The following C5orf46 variants were observed in gnomAD, a reference collection of about 807,000 sequenced individuals.
C5orf46 encodes uncharacterized protein C5orf46.
In C5orf46, 9 loss-of-function variants were observed where a neutral mutation model predicts 8.9. That is an observed-to-expected ratio of 1.01 (90% CI 0.61 to 1.76). The LOEUF is 1.76. Ranked by LOEUF, C5orf46 falls within the 40% of genes most tolerant of loss-of-function variation. The probability of loss-of-function intolerance (pLI) is 0.00; values close to 1 mark genes in which losing one functional copy is unlikely to be tolerated. For synonymous variants in C5orf46, 47 were observed against 41.4 expected, an observed-to-expected ratio of 1.14 and a Z score of -0.52; for missense variants, 98 against 107.8, an observed-to-expected ratio of 0.91 and a Z score of 0.40.
At chr5:147,900,966 G>T (rs1757658884) in intron 2 of C5orf46, among the ~76,000 whole-genome samples, 1 of 152,192 alleles carries the variant, frequency 6.6e-6, no homozygotes, top group African/African-American at 2.4e-5. Flanking sequence ...TTGGAAGCAG[G>T]CTGAGAACAT....
rs1284307334 is a variant in C5orf46 at position 147,906,513 on chromosome 5, G to A, written c.-12C>T. 4 of 1,600,864 alleles carry A rather than the reference G, an allele frequency of 2.5e-6. No homozygotes were observed. Among genetic ancestry groups the A allele is most frequent in the East Asian group, 2.2e-5 (1 of 44,728 alleles). On this transcript the variant is annotated 5_prime_UTR_variant, in exon 1 of 4. Transcript: ENST00000318315. ...ACTGAGACAGCCATTCTGGTAGCAC[G>A]GGGTATTCGTGCAGATAAATTGTTC...
At chr5:147,904,347 T>A (rs548948513) in intron 1 of C5orf46, among the ~76,000 whole-genome samples, 2 of 152,202 alleles carry the variant, frequency 1.3e-5, no homozygotes, top group Non-Finnish European at 2.9e-5. Flanking sequence ...AAATCACTCA[T>A]CTAGAAAGTG....
downstream of C5orf46, among the ~76,000 whole-genome samples, chr5:147,891,964 T>C (rs943800598): frequency 9.4e-5 from 14 of 148,200 alleles, no homozygotes; most frequent in African/African-American, 2.6e-4. Context: ...AAACAAAACA[T>C]TTATTAAACA....
rs73263245 is a variant in C5orf46, at chr5:147,898,123, G to A, written c.216-1082C>T. On this transcript the variant is annotated intron_variant, in intron 2 of 3. Transcript: ENST00000318315. The stretch of plus-strand genomic sequence containing the variant: ...TCTGGTAGTAGGTAGAAGATGAATT[G>A]ATGAGACAGAAGGTGGAACTTATTA... 8.6e-3 allele frequency among the ~76,000 whole-genome samples: 1,315 copies of A among 152,152 alleles called. 18 individuals are homozygous for A. The highest frequency in any genetic ancestry group is 0.031 in the African/African-American group (1,268 of 41,524).
chr5:147,893,170 TGAAG>T (rs1409336504), intron 3 of C5orf46, among the ~76,000 whole-genome samples: 2 of 151,618 alleles, frequency 1.3e-5, no homozygotes, highest in East Asian at 1.9e-4. Context: ...GAAACAAGAA[TGAAG>T]GGAGAATGTA....
intron 3 of C5orf46, among the ~76,000 whole-genome samples, chr5:147,893,629 G>A (rs957528639): frequency 7.9e-5 from 12 of 152,032 alleles, no homozygotes; most frequent in African/African-American, 2.9e-4. Flanking sequence ...CACAACCTCT[G>A]CCTCCCTGGT....
chr5:147,888,064 G>C (rs1322238995), downstream of C5orf46, among the ~76,000 whole-genome samples: 1 of 152,124 alleles, frequency 6.6e-6, no homozygotes, highest in African/African-American at 2.4e-5. Flanking sequence ...CCATATACCT[G>C]AGTGGCAACA....
Position 147,896,985 on chromosome 5 carries a change from TGAG to T in C5orf46, c.*5_*7del. ...TGTAAATTTTAAGTGAAAAATCACC[TGAG>T]GATGTCACTTTGATGAATGTTTTCC... On this transcript the variant is annotated splice_region_variant and 3_prime_UTR_variant, in exon 3 of 4. Coordinates refer to ENST00000318315, the MANE Select transcript of C5orf46 (RefSeq NM_206966.3). 1 of 1,477,288 alleles carries T rather than the reference TGAG, an allele frequency of 6.8e-7. No homozygotes were observed. The highest frequency in any genetic ancestry group is 1.2e-5 in the South Asian group (1 of 82,912). 91.5% of individuals were successfully genotyped at this position (1,477,288 alleles called of 1,614,324 possible).
Position 147,903,945 on chromosome 5 carries a change from G to T in C5orf46, c.71-2172C>A, listed in dbSNP as rs116063237. On this transcript the variant is annotated intron_variant, in intron 1 of 3. Transcript: ENST00000318315. ...GTATTTTGTGTAGAGACGGGGTTTC[G>T]CCATATTGCCCAGGCTGGTCTCGAA... Among the ~76,000 whole-genome samples the T allele has an allele frequency of 3.3e-3, 508 of 152,088 alleles. 4 individuals carry two copies. Among genetic ancestry groups the T allele is most frequent in the African/African-American group, 0.012 (491 of 41,470 alleles).
intron 1 of C5orf46, 88 bp downstream of exon 1, chr5:147,906,344 T>C: frequency 1.3e-6 from 1 of 787,972 alleles, no homozygotes; most frequent in Non-Finnish European, 2.0e-6. Flanking sequence ...ACCCCTTCTT[T>C]CTTTTATGTT....
At chr5:147,903,472 C>T (rs1439486056) in intron 1 of C5orf46, among the ~76,000 whole-genome samples, 3 of 152,126 alleles carry the variant, frequency 2.0e-5, no homozygotes, top group African/African-American at 2.4e-5. Context: ...ACAATGTACC[C>T]CTGACTTTGG....
intron 3 of C5orf46, among the ~76,000 whole-genome samples, chr5:147,895,103 C>G (rs910449290): frequency 1.3e-5 from 2 of 151,934 alleles, no homozygotes; most frequent in East Asian, 3.9e-4. Flanking sequence ...AACATAAGAT[C>G]TATCTATCCA....
chr5:147,895,718 G>A (rs550905273), intron 3 of C5orf46, among the ~76,000 whole-genome samples: 3 of 152,252 alleles, frequency 2.0e-5, no homozygotes, highest in East Asian at 1.9e-4. Context: ...AAAGTATTAG[G>A]ACACCTGCAA....
chr5:147,896,850 AT>A (rs1757588039), intron 3 of C5orf46, 133 bp downstream of exon 3: 1 of 429,918 alleles, frequency 2.3e-6, no homozygotes, highest in African/African-American at 2.1e-5. Context: ...ATATTCATTT[AT>A]TTTTTTAAAA....
chr5:147,900,404 A>G (rs1166144973), intron 2 of C5orf46, among the ~76,000 whole-genome samples: 1 of 152,178 alleles, frequency 6.6e-6, no homozygotes, highest in Non-Finnish European at 1.5e-5. Flanking sequence ...TTAATCTGCT[A>G]TTGGTTAAAG....
rs188315084 is a variant in C5orf46, at chr5:147,901,348, G to A, written c.215+281C>T. On this transcript the variant is annotated intron_variant, in intron 2 of 3. Coordinates refer to ENST00000318315, the MANE Select transcript of C5orf46 (RefSeq NM_206966.3). The stretch of plus-strand genomic sequence containing the variant: ...ACTTGGCTTTTTGTTCCTTAGTCTA[G>A]TGTTCTTCCTCCTCCCTATTTGCTC... 10 of 234,392 alleles carry A rather than the reference G, an allele frequency of 4.3e-5. No homozygotes were observed. In the East Asian group the frequency reaches 6.9e-4, roughly 16 times the overall value. The allele number at this position is 234,392 out of a possible 1,614,324, so 14.5% of individuals were successfully genotyped here. A position where few individuals can be genotyped will look rare whatever the true frequency, so the allele number is the denominator to read the frequency against.
At chr5:147,900,546 C>G (rs1366061949) in intron 2 of C5orf46, among the ~76,000 whole-genome samples, 1 of 152,158 alleles carries the variant, frequency 6.6e-6, no homozygotes, top group Non-Finnish European at 1.5e-5. Flanking sequence ...TAAGGCCCAT[C>G]CATGCAACCC....
intron 2 of C5orf46, chr5:147,887,062 G>C (rs1343296536): frequency 6.6e-6 from 1 of 152,050 alleles, no homozygotes; most frequent in African/African-American, 2.4e-5. Context: ...GTGCTGGAGG[G>C]TCAAGCCATG....
chr5:147,904,857 A>G (rs1757725959), intron 1 of C5orf46, among the ~76,000 whole-genome samples: 2 of 149,360 alleles, frequency 1.3e-5, no homozygotes, highest in African/African-American at 4.9e-5. Flanking sequence ...ACATACATAT[A>G]TCTATATTAT....
Sources: allele counts gnomAD v4.1 joint callset (sites outside exome capture counted in the v4.1 genomes callset), GRCh38; gene constraint gnomAD v4.1.1; transcripts MANE v1.5; gene names NCBI Gene and HGNC (gene_info 2026-07-23, HGNC 2026-07-21).